Variants in ASB9 observed in about 807,000 individuals in gnomAD.
ASB9 encodes ankyrin repeat and SOCS box containing 9, also known as ankyrin repeat and SOCS box protein 9.
A neutral mutation model predicts 16.6 loss-of-function variants in ASB9; 5 were observed. The ratio of observed to expected loss-of-function variants is 0.30; its 90% CI spans 0.16 to 0.63. The LOEUF (loss-of-function observed/expected upper bound fraction) is 0.63. ASB9 is among the 30% of genes least tolerant of loss of function. The probability of loss-of-function intolerance (pLI) is 0.82; values close to 1 mark genes in which losing one functional copy is unlikely to be tolerated. For missense variants in ASB9, 216 were observed against 229.4 expected (o/e 0.94, Z 0.38); for synonymous variants, 100 against 86.4 (o/e 1.16, Z -0.87).
At chrX:15,264,109 C>G (rs1379253434) in intron 1 of ASB9, among the ~76,000 whole-genome samples, 1 of 111,740 alleles carries the variant, frequency 8.9e-6, no homozygotes, top group African/African-American at 3.3e-5. Flanking sequence ...GGGCCATACT[C>G]TATCCAAAGG....
At chrX:15,259,864 A>G (rs1056560103) in intron 1 of ASB9, among the ~76,000 whole-genome samples, 9 of 112,587 alleles carry the variant, frequency 8.0e-5, no homozygotes, top group African/African-American at 2.9e-4. Flanking sequence ...TGTAAGGTGT[A>G]TATAAAACAT....
chrX:15,257,289 G>A (rs961280347), intron 2 of ASB9, among the ~76,000 whole-genome samples: 2 of 110,588 alleles, frequency 1.8e-5, no homozygotes, highest in South Asian at 3.9e-4. Context: ...CATGCCTGTA[G>A]TCCCAGCTAC....
chrX:15,264,683 T>C (rs1171447660), intron 1 of ASB9, among the ~76,000 whole-genome samples: 2 of 111,710 alleles, frequency 1.8e-5, no homozygotes, highest in African/African-American at 6.5e-5. Flanking sequence ...CACAGCTATT[T>C]GAAAACAGCA....
intron 1 of ASB9, among the ~76,000 whole-genome samples, chrX:15,263,802 AG>A (rs1025366695): frequency 3.6e-5 from 4 of 111,678 alleles, no homozygotes; most frequent in African/African-American, 1.3e-4. Context: ...TACTCTCTAC[AG>A]GGTGGGCTCA....
At chrX:15,267,213 C>G (rs1230696555) in intron 1 of ASB9, among the ~76,000 whole-genome samples, 2 of 107,203 alleles carry the variant, frequency 1.9e-5, no homozygotes, top group African/African-American at 6.8e-5. Context: ...CCTGGGGCAA[C>G]ATGGTGAAAC....
chrX:15,251,492 C>G (rs752384549), intron 4 of ASB9, among the ~76,000 whole-genome samples: 1 of 111,761 alleles, frequency 8.9e-6, no homozygotes, highest in Non-Finnish European at 1.9e-5. Context: ...ATGTATGCAG[C>G]GAATATGATG....
intron 2 of ASB9, among the ~76,000 whole-genome samples, chrX:15,257,876 A>G (rs1321718679): frequency 8.9e-6 from 1 of 111,979 alleles, no homozygotes; most frequent in African/African-American, 3.3e-5. Flanking sequence ...GATTGGAAGT[A>G]TTCTTGCATG....
chrX:15,245,652 CA>C (rs769580030), intron 6 of ASB9, among the ~76,000 whole-genome samples: 1 of 111,703 alleles, frequency 9.0e-6, no homozygotes, highest in African/African-American at 3.3e-5. Flanking sequence ...TGAGTCCCCC[CA>C]ACCAGGGATG....
chrX:15,252,458 A>T, intron 3 of ASB9, 54 bp from the exon 4 acceptor site: 2 of 1,091,436 alleles, frequency 1.8e-6, no homozygotes, highest in East Asian at 6.2e-5. Context: ...TTGGGTTCAA[A>T]TGTGGGGTCC....
chrX:15,257,526 C>T (rs1400651538), intron 2 of ASB9, among the ~76,000 whole-genome samples: 1 of 111,745 alleles, frequency 8.9e-6, no homozygotes, highest in African/African-American at 3.3e-5. Flanking sequence ...AAAGTTTTCA[C>T]CACATATTCA....
At chrX:15,255,111 G>A (rs919048664) in intron 2 of ASB9, among the ~76,000 whole-genome samples, 1 of 111,438 alleles carries the variant, frequency 9.0e-6, no homozygotes, top group South Asian at 3.8e-4. Context: ...TGACTCTTAG[G>A]TATATATACA....
intron 1 of ASB9, among the ~76,000 whole-genome samples, chrX:15,269,515 C>T (rs1174463994): frequency 8.9e-6 from 1 of 112,161 alleles, no homozygotes; most frequent in Non-Finnish European, 1.9e-5. Flanking sequence ...GCATTTGACC[C>T]ACAAAGAATG....
At chrX:15,269,384 A>T (rs1054273406) in intron 1 of ASB9, among the ~76,000 whole-genome samples, 2 of 111,949 alleles carry the variant, frequency 1.8e-5, no homozygotes, top group Non-Finnish European at 3.8e-5. Context: ...ATGTTTGAAC[A>T]TCTTTATAAA....
At chrX:15,263,921 G>A (rs762303111) in intron 1 of ASB9, among the ~76,000 whole-genome samples, 2 of 111,470 alleles carry the variant, frequency 1.8e-5, no homozygotes, top group Non-Finnish European at 3.8e-5. Context: ...GGAATTATGG[G>A]TGGTTAGTTT....
intron 5 of ASB9, 32 bp downstream of exon 5, chrX:15,250,393 GTTTTC>G: frequency 8.5e-7 from 1 of 1,182,230 alleles, no homozygotes; most frequent in Non-Finnish European, 1.1e-6. Context: ...TTTACTTTTC[GTTTTC>G]TTTTCTTGTT....
chrX:15,257,290 T>C (rs1386005605), intron 2 of ASB9, among the ~76,000 whole-genome samples: 1 of 110,460 alleles, frequency 9.1e-6, no homozygotes, highest in Non-Finnish European at 1.9e-5. Flanking sequence ...ATGCCTGTAG[T>C]CCCAGCTACT....
chrX:15,270,044 A>G lies in ASB9; in HGVS notation c.-170T>C. ...AGCACAGAGCAGGCAGGGTAATCTG[A>G]GTGCTACCTGTGATCAGAGAGAGGC... On this transcript the variant is annotated 5_prime_UTR_variant, in exon 1 of 7. Transcript: ENST00000380488. The G allele has an allele frequency of 2.6e-6, 1 of 387,493 alleles. No homozygotes were observed. The highest frequency in any genetic ancestry group is 4.4e-6 in the Non-Finnish European group (1 of 226,690). The allele number at this position is 387,493 out of a possible 1,213,427, so 31.9% of individuals were successfully genotyped here.
At chrX:15,270,209 A>C (rs1318041310), upstream of ASB9, 1 of 172,983 alleles carries the variant, frequency 5.8e-6, no homozygotes. Flanking sequence ...CCAAACTGAG[A>C]CCAATCAGTG....
intron 4 of ASB9, among the ~76,000 whole-genome samples, chrX:15,251,078 T>C (rs1290829794): frequency 8.9e-6 from 1 of 112,493 alleles, no homozygotes; most frequent in Non-Finnish European, 1.9e-5. Flanking sequence ...GGATGCAATC[T>C]GCAACTACGG....
Sources: allele counts gnomAD v4.1 joint callset (sites outside exome capture counted in the v4.1 genomes callset), GRCh38; gene constraint gnomAD v4.1.1; transcripts MANE v1.5; gene names NCBI Gene and HGNC (gene_info 2026-07-23, HGNC 2026-07-21).